Variants in LRRC3 observed in about 807,000 individuals in gnomAD.
LRRC3 encodes leucine-rich repeat-containing protein 3.
For missense variants in LRRC3, 351 were observed against 361.6 expected (o/e 0.97, Z 0.24); for synonymous variants, 172 against 164.1 (o/e 1.05, Z -0.37).
rs1015695473 is a variant in LRRC3, at chr21:44,461,967, G to T, written c.*4549G>T. ...CTGGTCTGGCTGGCCTTCCTGGACCGCAGTGGCCAGGAGCTGAAAACCGTG... is the reference window on the plus strand; with the variant it reads ...CTGGTCTGGCTGGCCTTCCTGGACCTCAGTGGCCAGGAGCTGAAAACCGTG... On this transcript the variant is annotated 3_prime_UTR_variant, in exon 2 of 2. Coordinates refer to ENST00000291592, the MANE Select transcript of LRRC3 (RefSeq NM_030891.6). 1 of 152,428 alleles carries T rather than the reference G, an allele frequency of 6.6e-6. No individual in the cohort carries two copies. Among genetic ancestry groups the T allele is most frequent in the Non-Finnish European group, 1.5e-5 (1 of 68,204 alleles). 9.4% of individuals were successfully genotyped at this position (152,428 alleles called of 1,614,324 possible).
intron 1 of LRRC3, among the ~76,000 whole-genome samples, chr21:44,456,057 C>A (rs980100210): frequency 1.6e-4 from 25 of 152,188 alleles, no homozygotes; most frequent in African/African-American, 5.3e-4. Context: ...CGCGAGCGCC[C>A]GCTGGTGCCC....
In LRRC3 at chr21:44,457,056, G is replaced by A. The variant is rs1425743029; in HGVS notation, c.412G>A (p.Ala138Thr). The A allele has an allele frequency of 1.9e-6, 3 of 1,606,846 alleles. No homozygotes were observed. The highest frequency in any genetic ancestry group is 2.2e-5 in the East Asian group (1 of 44,838). Residue 138 changes from alanine (A) to threonine (T), a missense_variant, in exon 2 of 2, where the codon GCC becomes ACC. Physicochemically the swap from Ala to Thr is moderately conservative, Grantham distance 58 (BLOSUM62 0). Transcript: ENST00000291592. ...CAAGGACGCCCTGGGCAAACTCAGCGCCAAGATACGCCTGTCCCACAACCC... is the reference window on the plus strand; with the variant it reads ...CAAGGACGCCCTGGGCAAACTCAGCACCAAGATACGCCTGTCCCACAACCC... ...IPKDALGKLS[A>T]KIRLSHNPLH...
intron 1 of LRRC3, among the ~76,000 whole-genome samples, 199 bp from the exon 2 acceptor site, chr21:44,456,299 C>T (rs563832582): frequency 6.6e-5 from 10 of 152,324 alleles, no homozygotes; most frequent in East Asian, 1.9e-4. Context: ...ACTTGTGGGA[C>T]GCTCCTCCCG....
chr21:44,457,092 G>A lies in LRRC3; in HGVS notation c.448G>A (p.Glu150Lys), dbSNP rs756307449. ...CCTGTCCCACAACCCCCTGCACTGC[G>A]AGTGCGCCCTGCAGGAGGCCCTGTG... is the stretch of plus-strand genomic sequence containing the variant. Reference protein sequence around the residue: ...IRLSHNPLHCECALQEALWEL... With the variant: ...IRLSHNPLHCKCALQEALWEL... The change falls in exon 2 of 2, where the codon GAG becomes AAG. Residue 150 changes from glutamate to lysine, a missense_variant. Transcript: ENST00000291592. 15 of 1,610,730 alleles carry A rather than the reference G, an allele frequency of 9.3e-6. No individual in the cohort carries two copies. The highest frequency in any genetic ancestry group is 1.3e-5 in the Non-Finnish European group (15 of 1,179,976).
Position 44,456,862 on chromosome 21 carries a change from CCAA to C in LRRC3, c.222_224del (p.Asn74del). The C allele has an allele frequency of 1.2e-6, 2 of 1,609,626 alleles. No homozygotes were observed. Among genetic ancestry groups the C allele is most frequent in the Middle Eastern group, 1.7e-4 (1 of 6,048 alleles). ...AACACCGTGCTCCTGAAGCTCGATG[CCAA>C]CAAGATCTCCCACCTCCCGGACGGG... is the stretch of plus-strand genomic sequence containing the variant. On this transcript the variant is annotated inframe_deletion, in exon 2 of 2. Transcript: ENST00000291592.
Position 44,457,089 on chromosome 21 carries a change from T to C in LRRC3, c.445T>C (p.Cys149Arg). The change falls in exon 2 of 2, where the codon TGC (cysteine) becomes CGC (arginine). Residue 149 changes from cysteine to arginine, a missense_variant. Cys to Arg is a radical substitution (Grantham distance 180). Transcript: ENST00000291592. ...KIRLSHNPLH[C>R]ECALQEALWE... ...ACGCCTGTCCCACAACCCCCTGCAC[T>C]GCGAGTGCGCCCTGCAGGAGGCCCT... is the stretch of plus-strand genomic sequence containing the variant. 6.2e-7 allele frequency: 1 copy of C among 1,610,578 alleles called. No homozygotes were observed. The highest frequency in any genetic ancestry group is 8.5e-7 in the Non-Finnish European group (1 of 1,179,960).
At position 44,457,526 on chromosome 21, in the gene LRRC3, T is replaced by G. The variant is rs1406411963; in HGVS notation, c.*108T>G. The G allele has an allele frequency of 3.1e-6, 4 of 1,278,050 alleles. No homozygotes were observed. The highest frequency in any genetic ancestry group is 4.3e-6 in the Non-Finnish European group (4 of 937,242). The allele number at this position is 1,278,050 out of a possible 1,614,324, so 79.2% of individuals were successfully genotyped here. On this transcript the variant is annotated 3_prime_UTR_variant, in exon 2 of 2. Coordinates refer to ENST00000291592, the MANE Select transcript of LRRC3 (RefSeq NM_030891.6). Reference sequence around the variant, plus strand: ...AGGCAGGTGTCACAGCCATGTGTGCTCCCCACTGTTGCACTCAGGCACAGC... The same window carrying G: ...AGGCAGGTGTCACAGCCATGTGTGCGCCCCACTGTTGCACTCAGGCACAGC...
rs1408278981 is a variant in LRRC3, at chr21:44,456,556, T to C, written c.-89T>C. On this transcript the variant is annotated 5_prime_UTR_variant, in exon 2 of 2. Coordinates refer to ENST00000291592, the MANE Select transcript of LRRC3 (RefSeq NM_030891.6). ...CGGGGCAGGATGGCGGTTTCATGTC[T>C]GGTTGGATAAGGCCTTGCCTGCGGA... 5 of 1,389,988 alleles carry C rather than the reference T, an allele frequency of 3.6e-6. No individual in the cohort carries two copies. The East Asian group carries it at 1.2e-4, about 32-fold the overall frequency. 86.1% of individuals were successfully genotyped at this position (1,389,988 alleles called of 1,614,324 possible). A position where few individuals can be genotyped will look rare whatever the true frequency, so the allele number is the denominator to read the frequency against.
In LRRC3 at chr21:44,456,805, G is replaced by C; in HGVS notation, c.161G>C (p.Gly54Ala). 3 of 1,611,646 alleles carry C rather than the reference G, an allele frequency of 1.9e-6. No homozygotes were observed. The highest frequency in any genetic ancestry group is 2.5e-6 in the Non-Finnish European group (3 of 1,179,734). ...GTGGCTGTCTTCTGCAGCTTGCGGG[G>C]CCTTCAGGAGGTCCCCGAGGACATC... The part of the protein sequence containing the change: ...GAVAVFCSLR[G>A]LQEVPEDIPA... Residue 54 changes from glycine to alanine, a missense_variant, in exon 2 of 2, where the codon GGC becomes GCC. Gly to Ala is a moderately conservative substitution (Grantham distance 60). Transcript: ENST00000291592.
rs1569135782 is a variant in LRRC3, at chr21:44,461,265, G to A, written c.*3847G>A. ...TGGCTGGAGGCTATGGGTGCGGGGCGTGGGCCTGCCGGGGGTTGCGTGACA... is the reference window on the plus strand; with the variant it reads ...TGGCTGGAGGCTATGGGTGCGGGGCATGGGCCTGCCGGGGGTTGCGTGACA... On this transcript the variant is annotated 3_prime_UTR_variant, in exon 2 of 2. Coordinates refer to ENST00000291592, the MANE Select transcript of LRRC3 (RefSeq NM_030891.6). 2.0e-5 allele frequency: 3 copies of A among 152,804 alleles called. No individual in the cohort carries two copies. The highest frequency in any genetic ancestry group is 4.8e-5 in the African/African-American group (2 of 41,474). The allele number at this position is 152,804 out of a possible 1,614,324, so 9.5% of individuals were successfully genotyped here.
Position 44,456,985 on chromosome 21 carries a change from G to A in LRRC3, c.341G>A (p.Gly114Asp). 9 of 1,606,792 alleles carry A rather than the reference G, an allele frequency of 5.6e-6. No individual in the cohort carries two copies. The highest frequency in any genetic ancestry group is 7.6e-6 in the Non-Finnish European group (9 of 1,179,852). ...GCCACCTTCGCGGGCCTGGCCGGGGGCCTGCGGCTGCTGGACCTGTCTTAC... is the reference window on the plus strand; with the variant it reads ...GCCACCTTCGCGGGCCTGGCCGGGGACCTGCGGCTGCTGGACCTGTCTTAC... ...GSATFAGLAGGLRLLDLSYNR... is the reference protein window; with the variant it reads ...GSATFAGLAGDLRLLDLSYNR... Residue 114 changes from glycine to aspartate, a missense_variant, in exon 2 of 2, where the codon GGC (glycine) becomes GAC (aspartate). Transcript: ENST00000291592.
In LRRC3 at chr21:44,456,631, C is replaced by T; in HGVS notation, c.-14C>T. ...GCAGAGGCTCGCGTGTCCCCGTCCC[C>T]AGGTCAGGTCAGGATGGGCACCGTG... On this transcript the variant is annotated 5_prime_UTR_variant, in exon 2 of 2. Transcript: ENST00000291592. 1 of 1,567,646 alleles carries T rather than the reference C, an allele frequency of 6.4e-7. No homozygotes were observed. The highest frequency in any genetic ancestry group is 8.7e-7 in the Non-Finnish European group (1 of 1,156,040).
rs758684147 is a variant in LRRC3 at position 44,457,644 on chromosome 21, C to T, written c.*226C>T. The T allele has an allele frequency of 2.5e-5, 14 of 567,614 alleles. No individual in the cohort carries two copies. The highest frequency in any genetic ancestry group is 4.4e-5 in the Non-Finnish European group (14 of 316,066). The allele number at this position is 567,614 out of a possible 1,614,324, so 35.2% of individuals were successfully genotyped here. The stretch of plus-strand genomic sequence containing the variant: ...AACGGAATGACTGCCCGTGACGATA[C>T]CATCAGGAAATTATCCCAGTGGAAC... On this transcript the variant is annotated 3_prime_UTR_variant, in exon 2 of 2. Transcript: ENST00000291592.
At position 44,458,521 on chromosome 21, in the gene LRRC3, G is replaced by T. The variant is rs1405713226; in HGVS notation, c.*1103G>T. ...AAAACAGCTCTTTTTCCAAGGCCCG[G>T]AGTACTGGGGATTGATGTTTCAAGG... On this transcript the variant is annotated 3_prime_UTR_variant, in exon 2 of 2. Transcript: ENST00000291592. 1 of 167,046 alleles carries T rather than the reference G, an allele frequency of 6.0e-6. No individual in the cohort carries two copies. Among genetic ancestry groups the T allele is most frequent in the Non-Finnish European group, 1.5e-5 (1 of 68,136 alleles). 10.3% of individuals were successfully genotyped at this position (167,046 alleles called of 1,614,324 possible). A position where few individuals can be genotyped will look rare whatever the true frequency, so the allele number is the denominator to read the frequency against.
In LRRC3 at chr21:44,457,148, C is replaced by T. The variant is rs145333607; in HGVS notation, c.504C>T (p.Asp168=). 35 of 1,613,044 alleles carry T rather than the reference C, an allele frequency of 2.2e-5. No individual in the cohort carries two copies. Among genetic ancestry groups the T allele is most frequent in the Admixed American group, 3.3e-5 (2 of 60,016 alleles). Residue 168 remains aspartate (D), a synonymous_variant, in exon 2 of 2, where the codon GAC becomes GAT. Coordinates refer to ENST00000291592, the MANE Select transcript of LRRC3 (RefSeq NM_030891.6). Reference sequence around the variant, plus strand: ...TGAAGCTGGACCCCGACTCTGTGGACGAGATCGCCTGCCACACCTCAGTGC... The same window carrying T: ...TGAAGCTGGACCCCGACTCTGTGGATGAGATCGCCTGCCACACCTCAGTGC... The part of the protein sequence containing the change: ...WELKLDPDSV[D]EIACHTSVQE...
chr21:44,458,725 T>A lies in LRRC3; in HGVS notation c.*1307T>A, dbSNP rs1287870602. ...TAATTTTATTTTTTATTGTCCTTTTTATGAGTGTTTATATTTTAAAGTACT... is the reference window on the plus strand; with the variant it reads ...TAATTTTATTTTTTATTGTCCTTTTAATGAGTGTTTATATTTTAAAGTACT... On this transcript the variant is annotated 3_prime_UTR_variant, in exon 2 of 2. Transcript: ENST00000291592. The A allele has an allele frequency of 3.6e-5, 6 of 167,088 alleles. No individual in the cohort carries two copies. Among genetic ancestry groups the A allele is most frequent in the African/African-American group, 1.4e-4 (6 of 41,432 alleles). 10.4% of individuals were successfully genotyped at this position (167,088 alleles called of 1,614,324 possible).
chr21:44,456,414 T>G, intron 1 of LRRC3, 84 bp from the exon 2 acceptor site: 1 of 565,502 alleles, frequency 1.8e-6, no homozygotes, highest in Non-Finnish European at 3.1e-6. Flanking sequence ...TCCCCACCAG[T>G]GGACGCGTTT....
Position 44,457,750 on chromosome 21 carries a change from G to C in LRRC3, c.*332G>C, listed in dbSNP as rs1172571137. 2.7e-6 allele frequency: 1 copy of C among 371,736 alleles called. No individual in the cohort carries two copies. The highest frequency in any genetic ancestry group is 5.2e-6 in the Non-Finnish European group (1 of 193,436). 23.0% of individuals were successfully genotyped at this position (371,736 alleles called of 1,614,324 possible). On this transcript the variant is annotated 3_prime_UTR_variant, in exon 2 of 2. Coordinates refer to ENST00000291592, the MANE Select transcript of LRRC3 (RefSeq NM_030891.6). ...CCCACACGGGGCCCTGCAGGCTGTG[G>C]ATATGCACTCAGAGGACTAAGGGGG...
In LRRC3 at chr21:44,456,901, A is replaced by T. The variant is rs142188254; in HGVS notation, c.257A>T (p.His86Leu). 12 of 1,610,876 alleles carry T rather than the reference A, an allele frequency of 7.4e-6. No individual in the cohort carries two copies. The highest frequency in any genetic ancestry group is 1.7e-5 in the Admixed American group (1 of 59,946). The part of the protein sequence containing the change: ...ISHLPDGAFQ[H>L]LHRLRELDLS... Reference sequence around the variant, plus strand: ...CACCTCCCGGACGGGGCCTTCCAGCACCTGCACCGGCTCAGGGAGCTGGAT... The same window carrying T: ...CACCTCCCGGACGGGGCCTTCCAGCTCCTGCACCGGCTCAGGGAGCTGGAT... The change falls in exon 2 of 2, where the codon CAC (histidine) becomes CTC (leucine). Residue 86 changes from histidine (H) to leucine (L), a missense_variant. Physicochemically the swap from His to Leu is moderately conservative, Grantham distance 99. Coordinates refer to ENST00000291592, the MANE Select transcript of LRRC3 (RefSeq NM_030891.6).
Sources: allele counts gnomAD v4.1 joint callset (sites outside exome capture counted in the v4.1 genomes callset), GRCh38; gene constraint gnomAD v4.1.1; transcripts MANE v1.5; gene names NCBI Gene and HGNC (gene_info 2026-07-23, HGNC 2026-07-21).